KDM4C: variants seen among roughly 807,000 people sequenced by gnomAD.
The protein encoded by KDM4C is lysine demethylase 4C, also known as lysine-specific demethylase 4C.
Under a neutral mutation model 129.3 loss-of-function variants are expected in KDM4C, and 81 were observed. The ratio of observed to expected loss-of-function variants is 0.63; its 90% confidence interval spans 0.52 to 0.75. KDM4C has a LOEUF of 0.75. Among genes scored for constraint, KDM4C ranks in the 30% least tolerant of loss-of-function variants. The pLI, the probability that KDM4C is intolerant of heterozygous loss-of-function variation, is 0.00. For missense variants in KDM4C, 1,457 were observed against 1,304.0 expected (o/e 1.12, Z -1.81); for synonymous variants, 573 against 456.1 (o/e 1.26, Z -3.26).
intron 1 of KDM4C, among the ~76,000 whole-genome samples, chr9:6,759,967 A>G (rs1189566007): frequency 9.8e-6 from 1 of 102,490 alleles, no homozygotes; most frequent in African/African-American, 3.3e-5. Flanking sequence ...AAAAATATAA[A>G]TAAATAAATA....
At chr9:7,100,302 C>G (rs1032589555) in intron 17 of KDM4C, among the ~76,000 whole-genome samples, 1 of 152,150 alleles carries the variant, frequency 6.6e-6, no homozygotes, top group Non-Finnish European at 1.5e-5. Context: ...CCTACCTAAC[C>G]TACAGTAGTG....
chr9:7,093,720 A>G (rs1836083909), intron 17 of KDM4C, among the ~76,000 whole-genome samples: 1 of 152,240 alleles, frequency 6.6e-6, no homozygotes. Flanking sequence ...TTATTAAAAT[A>G]CTATAAACAT....
chr9:7,070,051 CAG>C (rs1439214408), intron 17 of KDM4C, among the ~76,000 whole-genome samples: 1 of 151,904 alleles, frequency 6.6e-6, no homozygotes, highest in Admixed American at 6.6e-5. Context: ...GCAGGCAGAA[CAG>C]GGGGAAAAGG....
intron 1 of KDM4C, among the ~76,000 whole-genome samples, chr9:6,775,162 A>G (rs889016161): frequency 1.3e-5 from 2 of 152,074 alleles, no homozygotes; most frequent in African/African-American, 2.4e-5. Flanking sequence ...GATTACAGGC[A>G]TATGCCACTA....
chr9:6,919,223 C>CTTTCTTTCTTTCTTT (rs532687391), intron 8 of KDM4C, among the ~76,000 whole-genome samples: 1,241 of 108,634 alleles, frequency 0.011, 54 homozygotes, highest in African/African-American at 0.036. Context: ...TTTCTTTTTC[C>CTTTCTTTCTTTCTTT]TTCTTTCTTT....
intron 15 of KDM4C, among the ~76,000 whole-genome samples, chr9:7,019,334 C>CT (rs1824239811): frequency 6.6e-6 from 1 of 152,098 alleles, no homozygotes; most frequent in Non-Finnish European, 1.5e-5. Flanking sequence ...CCCTAGCCTC[C>CT]TTGTAAATAA....
chr9:7,015,596 G>C (rs1823513691), intron 14 of KDM4C, among the ~76,000 whole-genome samples: 1 of 152,074 alleles, frequency 6.6e-6, no homozygotes, highest in Admixed American at 6.5e-5. Flanking sequence ...TAAGATGTCT[G>C]TGTGTGAACA....
intron 1 of KDM4C, among the ~76,000 whole-genome samples, chr9:6,776,176 C>G (rs1235421352): frequency 1.3e-5 from 2 of 152,214 alleles, no homozygotes; most frequent in African/African-American, 2.4e-5. Context: ...CCTTGAACTC[C>G]TGGGCTCTGG....
intron 5 of KDM4C, among the ~76,000 whole-genome samples, chr9:6,850,709 G>A (rs994485582): frequency 6.6e-6 from 1 of 151,758 alleles, no homozygotes; most frequent in South Asian, 2.1e-4. Flanking sequence ...TAGGATTACA[G>A]GCATGAGCCA....
chr9:6,798,722 GTCA>G (rs1421880389), intron 2 of KDM4C, among the ~76,000 whole-genome samples: 1 of 152,114 alleles, frequency 6.6e-6, no homozygotes, highest in Non-Finnish European at 1.5e-5. Context: ...AACCGCCATT[GTCA>G]TCATGGCCCG....
intron 19 of KDM4C, among the ~76,000 whole-genome samples, chr9:7,162,799 G>C (rs1022003346): frequency 2.6e-5 from 4 of 152,080 alleles, no homozygotes; most frequent in African/African-American, 9.7e-5. Context: ...GGGTAAGAAA[G>C]TGCAGGGTAC....
At chr9:6,904,231 TC>T (rs1817902435) in intron 8 of KDM4C, among the ~76,000 whole-genome samples, 1 of 151,896 alleles carries the variant, frequency 6.6e-6, no homozygotes, top group East Asian at 1.9e-4. Flanking sequence ...AGAGTGAGAC[TC>T]CATCTCAAAA....
chr9:6,818,792 G>C (rs1832557872), intron 4 of KDM4C, among the ~76,000 whole-genome samples: 1 of 152,174 alleles, frequency 6.6e-6, no homozygotes, highest in Non-Finnish European at 1.5e-5. Context: ...TGGGAGGCTA[G>C]TAAAAGGGCC....
At chr9:6,964,307 T>A (rs1830531549) in intron 8 of KDM4C, among the ~76,000 whole-genome samples, 1 of 151,472 alleles carries the variant, frequency 6.6e-6, no homozygotes, top group African/African-American at 2.4e-5. Flanking sequence ...TTCTCATTGT[T>A]CAATTCCCAC....
At chr9:7,122,560 C>G (rs1479623490) in intron 18 of KDM4C, among the ~76,000 whole-genome samples, 1 of 152,084 alleles carries the variant, frequency 6.6e-6, no homozygotes, top group African/African-American at 2.4e-5. Context: ...GTTACATCAT[C>G]TATTTAGTCA....
In KDM4C at chr9:6,814,745, G is replaced by C; in HGVS notation, c.435G>C (p.Glu145Asp). 6.6e-7 allele frequency: 1 copy of C among 1,526,432 alleles called. No homozygotes were observed. Among genetic ancestry groups the C allele is most frequent in the African/African-American group, 1.4e-5 (1 of 73,018 alleles). The allele number at this position is 1,526,432 out of a possible 1,614,324, so 94.6% of individuals were successfully genotyped here. A position where few individuals can be genotyped will look rare whatever the true frequency, so the allele number is the denominator to read the frequency against. Residue 145 changes from glutamate to aspartate, a missense_variant and splice_region_variant, in exon 4 of 22, where the codon GAG (glutamate) becomes GAC (aspartate). Physicochemically the swap from Glu to Asp is conservative, Grantham distance 45. Coordinates refer to ENST00000381309, the MANE Select transcript of KDM4C (RefSeq NM_015061.6). ...GADINGSIYD[E>D]GVDEWNIARL... ...ATATTAATGGGAGCATATATGATGAGGTACATTCATATTTACAGTGAGTTT... is the reference window on the plus strand; with the variant it reads ...ATATTAATGGGAGCATATATGATGACGTACATTCATATTTACAGTGAGTTT...
At chr9:7,030,400 A>G (rs1379518439) in intron 15 of KDM4C, among the ~76,000 whole-genome samples, 4 of 152,204 alleles carry the variant, frequency 2.6e-5, no homozygotes, top group Admixed American at 1.3e-4. Flanking sequence ...ATATGTCATT[A>G]TACTTTTGTC....
chr9:7,084,332 C>T (rs142765781), intron 17 of KDM4C, among the ~76,000 whole-genome samples: 2 of 152,270 alleles, frequency 1.3e-5, no homozygotes, highest in Non-Finnish European at 2.9e-5. Flanking sequence ...TGGAGCAGAG[C>T]CACAACCAAG....
At chr9:7,131,775 A>C (rs1840670563) in intron 19 of KDM4C, among the ~76,000 whole-genome samples, 1 of 152,216 alleles carries the variant, frequency 6.6e-6, no homozygotes, top group Non-Finnish European at 1.5e-5. Context: ...AAATGTAATC[A>C]GGTTTGTTTC....
Sources: allele counts gnomAD v4.1 joint callset (sites outside exome capture counted in the v4.1 genomes callset), GRCh38; gene constraint gnomAD v4.1.1; transcripts MANE v1.5; gene names NCBI Gene and HGNC (gene_info 2026-07-23, HGNC 2026-07-21).